Variants in COX7C observed in about 807,000 individuals in gnomAD.
COX7C encodes cytochrome c oxidase subunit 7C, mitochondrial.
COX7C carries 1 observed loss-of-function variant against 6.4 expected under a neutral mutation model. That is an observed-to-expected ratio of 0.16 (90% CI 0.06 to 0.74). The LOEUF is 0.74. Among genes scored for constraint, COX7C ranks in the 30% least tolerant of loss-of-function variants. The pLI is 0.78. For missense variants in COX7C, 54 were observed against 73.7 expected (o/e 0.73, Z 0.98); for synonymous variants, 24 against 28.9 (o/e 0.83, Z 0.54).
chr5:86,619,309 T>C (rs1366304809), intron 1 of COX7C, 44 bp from the exon 2 acceptor site: 4 of 1,173,718 alleles, frequency 3.4e-6, no homozygotes, highest in South Asian at 1.2e-5. Flanking sequence ...AAGCAGATGA[T>C]TTGAGATTCA....
At chr5:86,619,235 C>T in intron 1 of COX7C, 118 bp from the exon 2 acceptor site, 1 of 684,360 alleles carries the variant, frequency 1.5e-6, no homozygotes, top group South Asian at 1.6e-5. Flanking sequence ...TGATTTATGG[C>T]ATATGTTAAC....
intron 2 of COX7C, chr5:86,620,197 G>T (rs1750091745): frequency 6.6e-6 from 1 of 152,444 alleles, no homozygotes; most frequent in South Asian, 2.1e-4. Context: ...GTTCTTAAAT[G>T]AGGATGATTT....
At chr5:86,619,166 T>A (rs1171877504) in intron 1 of COX7C, among the ~76,000 whole-genome samples, 187 bp from the exon 2 acceptor site, 1 of 152,154 alleles carries the variant, frequency 6.6e-6, no homozygotes, top group Non-Finnish European at 1.5e-5. Flanking sequence ...TTTCTTGCCA[T>A]GTAGTGTTTT....
intron 1 of COX7C, 84 bp from the exon 2 acceptor site, chr5:86,619,269 C>A: frequency 1.2e-6 from 1 of 809,992 alleles, no homozygotes; most frequent in Non-Finnish European, 2.2e-6. Context: ...ATATAACTAG[C>A]ATTTCCTGTA....
At position 86,617,954 on chromosome 5, in the gene COX7C, G is replaced by T. The variant is rs1428318601; in HGVS notation, c.-102G>T. ...TTTCCCATCTTTCTTTTCAGTCCTT[G>T]CGCACCGGGGAACAAGGTCGTGAAA... On this transcript the variant is annotated 5_prime_UTR_variant, in exon 1 of 3. Coordinates refer to ENST00000247655, the MANE Select transcript of COX7C (RefSeq NM_001867.3). 5.6e-6 allele frequency: 6 copies of T among 1,068,034 alleles called. No homozygotes were observed. Among genetic ancestry groups the T allele is most frequent in the Non-Finnish European group, 8.5e-6 (6 of 707,174 alleles). 66.2% of individuals were successfully genotyped at this position (1,068,034 alleles called of 1,614,324 possible). A position where few individuals can be genotyped will look rare whatever the true frequency, so the allele number is the denominator to read the frequency against.
At chr5:86,619,258 A>G (rs1750067489) in intron 1 of COX7C, 95 bp from the exon 2 acceptor site, 1 of 773,058 alleles carries the variant, frequency 1.3e-6, no homozygotes. Flanking sequence ...GATGATGTAA[A>G]ATATAACTAG....
chr5:86,620,227 T>C (rs1750092667), intron 2 of COX7C: 1 of 152,506 alleles, frequency 6.6e-6, no homozygotes, highest in Admixed American at 6.5e-5. Context: ...ATGGGGCATT[T>C]GGCAATGTGA....
intron 1 of COX7C, 81 bp downstream of exon 1, chr5:86,618,211 C>T: frequency 7.5e-7 from 1 of 1,327,330 alleles, no homozygotes. Flanking sequence ...CGCCTCCGGG[C>T]TGTGGCGTGG....
rs932437701 is a variant in COX7C, at chr5:86,617,999, G to C, written c.-57G>C. 1.3e-6 allele frequency: 2 copies of C among 1,554,566 alleles called. No individual in the cohort carries two copies. The highest frequency in any genetic ancestry group is 1.7e-5 in the Admixed American group (1 of 59,602). On this transcript the variant is annotated 5_prime_UTR_variant, in exon 1 of 3. Coordinates refer to ENST00000247655, the MANE Select transcript of COX7C (RefSeq NM_001867.3). ...GTGAAAAAAAAGGTCTTGGTGAGGT[G>C]CCGCCATTTCATCTGTCCTCATTCT...
chr5:86,618,238 A>G, intron 1 of COX7C, 108 bp downstream of exon 1: 1 of 1,015,032 alleles, frequency 9.9e-7, no homozygotes, highest in Non-Finnish European at 1.5e-6. Context: ...ATAGCCAGAA[A>G]CCAGGCTGAG....
chr5:86,618,750 G>T (rs1750055300), intron 1 of COX7C, among the ~76,000 whole-genome samples: 1 of 152,086 alleles, frequency 6.6e-6, no homozygotes, highest in South Asian at 2.1e-4. Flanking sequence ...AGGCTAAGGC[G>T]TTCGGATCAC....
intron 2 of COX7C, 133 bp downstream of exon 2, chr5:86,619,629 T>C: frequency 1.6e-6 from 1 of 614,944 alleles, no homozygotes; most frequent in Non-Finnish European, 2.9e-6. Context: ...GATGTGGCAT[T>C]GGTGGAGACT....
chr5:86,619,139 T>G (rs1190234777), intron 1 of COX7C, among the ~76,000 whole-genome samples: 2 of 152,228 alleles, frequency 1.3e-5, no homozygotes, highest in African/African-American at 4.8e-5. Context: ...TGCCTAGTGC[T>G]TAGTAAAGCC....
intron 1 of COX7C, among the ~76,000 whole-genome samples, chr5:86,618,502 C>T (rs1750049738): frequency 6.6e-6 from 1 of 152,150 alleles, no homozygotes; most frequent in African/African-American, 2.4e-5. Context: ...GAAATCAGGG[C>T]CTCTGGTTAT....
chr5:86,620,389 C>A, intron 2 of COX7C: 1 of 170,832 alleles, frequency 5.9e-6, no homozygotes, highest in African/African-American at 2.4e-5. Flanking sequence ...AAATATTTAG[C>A]TTAATTGTCA....
rs75163592 is a variant in COX7C, at chr5:86,619,720, G to A, written c.*27+224G>A. The A allele has an allele frequency of 4.2e-3, 1,466 of 353,246 alleles. 22 individuals carry two copies. Among genetic ancestry groups the A allele is most frequent in the African/African-American group, 0.028 (1,356 of 48,974 alleles). 21.9% of individuals were successfully genotyped at this position (353,246 alleles called of 1,614,324 possible). ...CTGCTTATCAGGTACACTTTACATC[G>A]ATATCTCATGTTCTCTAGCAAGCTT... On this transcript the variant is annotated intron_variant, in intron 2 of 2. Transcript: ENST00000247655.
At position 86,618,144 on chromosome 5, in the gene COX7C, G is replaced by T; in HGVS notation, c.75+14G>T. On this transcript the variant is annotated intron_variant, in intron 1 of 2. Transcript: ENST00000247655. ...GGCCCTGGGAAGGTTAGTGTGTAAG[G>T]GGCACGGCTTCGTTGGGGGAGGGGG... is the stretch of plus-strand genomic sequence containing the variant. 1.2e-6 allele frequency: 2 copies of T among 1,613,758 alleles called. No individual in the cohort carries two copies. The highest frequency in any genetic ancestry group is 1.1e-5 in the South Asian group (1 of 91,066).
At position 86,619,270 on chromosome 5, in the gene COX7C, A is replaced by C. The variant is rs1354918848; in HGVS notation, c.76-83A>C. The C allele has an allele frequency of 3.6e-6, 3 of 822,564 alleles. No homozygotes were observed. The Admixed American group carries it at 5.4e-5, about 15-fold the overall frequency. 51.0% of individuals were successfully genotyped at this position (822,564 alleles called of 1,614,324 possible). A position where few individuals can be genotyped will look rare whatever the true frequency, so the allele number is the denominator to read the frequency against. On this transcript the variant is annotated intron_variant, in intron 1 of 2. Transcript: ENST00000247655. ...CCTGATGATGTAAAATATAACTAGC[A>C]TTTCCTGTATACTTGTATTTTGATT...
chr5:86,620,090 G>A (rs1200694813), intron 2 of COX7C: 1 of 152,344 alleles, frequency 6.6e-6, no homozygotes, highest in Admixed American at 6.5e-5. Flanking sequence ...TGATACATAA[G>A]TCCCAGATAA....
Sources: gnomAD v4.1 joint callset for allele counts (sites outside exome capture counted in the v4.1 genomes callset) on GRCh38, gnomAD v4.1.1 for gene constraint, MANE v1.5 for transcripts, NCBI Gene and HGNC (gene_info 2026-07-23, HGNC 2026-07-21) for gene names.